Variants in IL1RL2 observed in about 807,000 individuals in gnomAD.
The protein encoded by IL1RL2 is interleukin-1 receptor-like 2.
A neutral mutation model predicts 66.8 loss-of-function variants in IL1RL2; 68 were observed. That is an observed-to-expected ratio of 1.02 (90% CI 0.84 to 1.25). The LOEUF (loss-of-function observed/expected upper bound fraction) is 1.25, where lower values mean the gene tolerates loss of function less well. IL1RL2 is among the 50% of genes most tolerant of loss of function. The pLI is 0.00. For missense variants in IL1RL2, 729 were observed against 709.3 expected (o/e 1.03, Z -0.32); for synonymous variants, 305 against 264.6 (o/e 1.15, Z -1.48).
In IL1RL2 at chr2:102,233,002, C is replaced by T. The variant is rs1350560105; in HGVS notation, c.1175C>T (p.Pro392Leu). ...LYDAYVLYPK[P>L]HKESQRHAVD... ...GACGCCTATGTCTTATACCCCAAGC[C>T]CCACAAGGAAAGCCAGAGGCATGCC... The change falls in exon 10 of 12, where the codon CCC becomes CTC. Residue 392 changes from proline to leucine, a missense_variant. Transcript: ENST00000264257. 1 of 1,614,104 alleles carries T rather than the reference C, an allele frequency of 6.2e-7. No homozygotes were observed. The highest frequency in any genetic ancestry group is 1.1e-5 in the South Asian group (1 of 91,084).
At chr2:102,191,307 G>A (rs60428834) in intron 3 of IL1RL2, among the ~76,000 whole-genome samples, 1 of 151,902 alleles carries the variant, frequency 6.6e-6, no homozygotes, top group African/African-American at 2.4e-5. Flanking sequence ...CATAATCATA[G>A]TATAGTTATC....
chr2:102,202,456 A>G (rs762874783), intron 5 of IL1RL2, among the ~76,000 whole-genome samples: 6 of 151,646 alleles, frequency 4.0e-5, no homozygotes, highest in Non-Finnish European at 7.4e-5. Flanking sequence ...TAATATGTGT[A>G]TATTTATAAT....
At chr2:102,193,068 A>G (rs1324816607) in intron 4 of IL1RL2, among the ~76,000 whole-genome samples, 1 of 151,586 alleles carries the variant, frequency 6.6e-6, no homozygotes. Context: ...ACACACGTGC[A>G]CACACACACA....
intron 4 of IL1RL2, 56 bp from the exon 5 acceptor site, chr2:102,201,500 G>A (rs1184449824): frequency 2.6e-6 from 4 of 1,514,844 alleles, no homozygotes; most frequent in Non-Finnish European, 3.7e-6. Flanking sequence ...AAATACTAGG[G>A]ATCACACAGG....
downstream of IL1RL2, among the ~76,000 whole-genome samples, chr2:102,242,196 T>A (rs535137940): frequency 2.0e-5 from 3 of 152,338 alleles, no homozygotes; most frequent in South Asian, 6.2e-4. Context: ...AGCTTTTTCC[T>A]CCCTGATTAT....
Position 102,225,920 on chromosome 2 carries a change from G to C in IL1RL2, c.1014G>C (p.Leu338Phe). 1 of 1,594,340 alleles carries C rather than the reference G, an allele frequency of 6.3e-7. No individual in the cohort carries two copies. Among genetic ancestry groups the C allele is most frequent in the Non-Finnish European group, 8.5e-7 (1 of 1,170,832 alleles). ...QLPAPDFRAY[L>F]IGGLIALVAV... is the part of the protein sequence containing the mutation. The stretch of plus-strand genomic sequence containing the variant: ...TAGCTCCGGATTTTCGAGCTTACTT[G>C]ATAGGAGGGCTTATCGCCTTGGTGG... Residue 338 changes from leucine (L) to phenylalanine (F), a missense_variant, in exon 9 of 12, where the codon TTG becomes TTC. By Grantham distance (22) the Leu-to-Phe change is conservative. Coordinates refer to ENST00000264257, the MANE Select transcript of IL1RL2 (RefSeq NM_003854.4).
chr2:102,227,253 A>G (rs190211974), intron 9 of IL1RL2, among the ~76,000 whole-genome samples: 140 of 152,216 alleles, frequency 9.2e-4, no homozygotes, highest in Middle Eastern at 3.4e-3. Flanking sequence ...CCTGAGTGAC[A>G]AGAGCAGGAA....
At chr2:102,230,065 T>A (rs1234410317) in intron 9 of IL1RL2, among the ~76,000 whole-genome samples, 1 of 152,226 alleles carries the variant, frequency 6.6e-6, no homozygotes, top group Admixed American at 6.5e-5. Context: ...CCTGCATGTC[T>A]GCTGTAGTTT....
chr2:102,206,389 G>A (rs1922297), intron 5 of IL1RL2, among the ~76,000 whole-genome samples: 42,644 of 151,970 alleles, frequency 0.28, 6,617 homozygotes, highest in East Asian at 0.38. Flanking sequence ...TGTCCTTCTT[G>A]GGAAGGCCTT....
At chr2:102,199,850 T>C (rs762530945) in intron 4 of IL1RL2, among the ~76,000 whole-genome samples, 1 of 152,134 alleles carries the variant, frequency 6.6e-6, no homozygotes, top group Non-Finnish European at 1.5e-5. Context: ...TTATGAAATG[T>C]GAGGACTAGA....
At chr2:102,221,321 T>C (rs963835451) in intron 8 of IL1RL2, among the ~76,000 whole-genome samples, 1 of 152,180 alleles carries the variant, frequency 6.6e-6, no homozygotes, top group African/African-American at 2.4e-5. Flanking sequence ...CTTTATGGCA[T>C]CAACTGTCAT....
chr2:102,196,576 A>G (rs1458308337), intron 4 of IL1RL2, among the ~76,000 whole-genome samples: 2 of 152,214 alleles, frequency 1.3e-5, no homozygotes, highest in African/African-American at 4.8e-5. Context: ...AGACAAGTAA[A>G]CTAAGAATTT....
At position 102,213,480 on chromosome 2, in the gene IL1RL2, C is replaced by T. The variant is rs1003540897; in HGVS notation, c.724+1306C>T. Reference sequence around the variant, plus strand: ...ATAAACATATATCAAAACATCACATCGTACCCATAAATATATGTAATTATT... The same window carrying T: ...ATAAACATATATCAAAACATCACATTGTACCCATAAATATATGTAATTATT... On this transcript the variant is annotated intron_variant, in intron 6 of 11. Transcript: ENST00000264257. Among the ~76,000 whole-genome samples, 8 of 152,002 alleles carry T rather than the reference C, an allele frequency of 5.3e-5. No individual in the cohort carries two copies. The East Asian group carries it at 5.8e-4, about 11-fold the overall frequency.
intron 4 of IL1RL2, among the ~76,000 whole-genome samples, chr2:102,199,039 C>T (rs1179607482): frequency 8.5e-5 from 13 of 152,276 alleles, no homozygotes; most frequent in African/African-American, 3.1e-4. Flanking sequence ...AACACCTTTG[C>T]TTACCTAAGA....
intron 11 of IL1RL2, among the ~76,000 whole-genome samples, chr2:102,236,400 C>A (rs796246471): frequency 2.6e-5 from 4 of 152,198 alleles, no homozygotes; most frequent in African/African-American, 7.2e-5. Flanking sequence ...CGTTCACAGG[C>A]GATGGGTGGT....
At chr2:102,194,814 C>G (rs1040987308) in intron 4 of IL1RL2, among the ~76,000 whole-genome samples, 1 of 152,120 alleles carries the variant, frequency 6.6e-6, no homozygotes, top group African/African-American at 2.4e-5. Context: ...GTAGTGCAAT[C>G]ATAGTTCACT....
At position 102,235,041 on chromosome 2, in the gene IL1RL2, T is replaced by A; in HGVS notation, c.1442T>A (p.Met481Lys). 6.2e-7 allele frequency: 1 copy of A among 1,614,132 alleles called. No homozygotes were observed. Among genetic ancestry groups the A allele is most frequent in the Non-Finnish European group, 8.5e-7 (1 of 1,180,028 alleles). ...AVYSALIQDG[M>K]KVILIELEKI... ...TACAGTGCCCTGATCCAGGACGGGA[T>A]GAAGGTTATTCTCATTGAGCTGGAG... is the stretch of plus-strand genomic sequence containing the variant. The change falls in exon 11 of 12, where the codon ATG becomes AAG. Residue 481 changes from methionine (M) to lysine (K), a missense_variant. Coordinates refer to ENST00000264257, the MANE Select transcript of IL1RL2 (RefSeq NM_003854.4).
At chr2:102,218,871 G>T in intron 6 of IL1RL2, 82 bp from the exon 7 acceptor site, 1 of 1,212,668 alleles carries the variant, frequency 8.2e-7, no homozygotes, top group South Asian at 1.3e-5. Context: ...TCGAGAGTAC[G>T]ATGCACTTGT....
chr2:102,203,265 T>G (rs1483875925), intron 5 of IL1RL2, among the ~76,000 whole-genome samples: 1 of 152,222 alleles, frequency 6.6e-6, no homozygotes, highest in Non-Finnish European at 1.5e-5. Context: ...AATGTATTGT[T>G]GAATTCTGTT....
Sources: allele counts gnomAD v4.1 joint callset (sites outside exome capture counted in the v4.1 genomes callset), GRCh38; gene constraint gnomAD v4.1.1; transcripts MANE v1.5; gene names NCBI Gene and HGNC (gene_info 2026-07-23, HGNC 2026-07-21).